TBC1D24: variants seen among roughly 807,000 people sequenced by gnomAD.
The protein encoded by TBC1D24 is Infantile myoclonic epilepsy.
A neutral mutation model predicts 50.7 loss-of-function variants in TBC1D24; 47 were observed. The observed-to-expected ratio is 0.93, with a 90% CI of 0.73 to 1.18. The LOEUF is 1.18. Among genes scored for constraint, TBC1D24 ranks in the 50% most tolerant of loss-of-function variants. The pLI, the probability that TBC1D24 is intolerant of heterozygous loss-of-function variation, is 0.00. For synonymous variants in TBC1D24, 324 were observed against 335.2 expected, an observed-to-expected ratio of 0.97 and a Z score of 0.36; for missense variants, 688 against 766.5, an observed-to-expected ratio of 0.90 and a Z score of 1.21.
Position 2,498,404 on chromosome 16 carries a change from C to T in TBC1D24, c.1142+8C>T. 6.2e-7 allele frequency: 1 copy of T among 1,600,158 alleles called. No individual in the cohort carries two copies. Among genetic ancestry groups the T allele is most frequent in the Non-Finnish European group, 8.5e-7 (1 of 1,173,770 alleles). ...CGGGTACAGCCTGGCCAGGTAACAC[C>T]CCAAGGGGCCAGAGCGGGCGGCAGA... is the stretch of plus-strand genomic sequence containing the variant. On this transcript the variant is annotated splice_region_variant and intron_variant, in intron 4 of 7. Coordinates refer to ENST00000646147, the MANE Select transcript of TBC1D24 (RefSeq NM_001199107.2).
At position 2,496,714 on chromosome 16, in the gene TBC1D24, A is replaced by G. The variant is rs2065744631; in HGVS notation, c.566A>G (p.Lys189Arg). 1 of 1,613,712 alleles carries G rather than the reference A, an allele frequency of 6.2e-7. No homozygotes were observed. Among genetic ancestry groups the G allele is most frequent in the Non-Finnish European group, 8.5e-7 (1 of 1,180,038 alleles). Residue 189 changes from lysine to arginine, a missense_variant, in exon 2 of 8, where the codon AAG (lysine) becomes AGG (arginine). By Grantham distance (26) the Lys-to-Arg change is conservative. Coordinates refer to ENST00000646147, the MANE Select transcript of TBC1D24 (RefSeq NM_001199107.2). ...SCMTFGDLVN[K>R]YCQAAHKLMV... ...ATGACGTTTGGGGACCTGGTGAACAAGTACTGCCAGGCGGCCCACAAGCTG... is the reference window on the plus strand; with the variant it reads ...ATGACGTTTGGGGACCTGGTGAACAGGTACTGCCAGGCGGCCCACAAGCTG...
Position 2,475,575 on chromosome 16 carries a change from C to A in TBC1D24, c.-116+405C>A, listed in dbSNP as rs1331769493. Among the ~76,000 whole-genome samples, 1 of 152,138 alleles carries A rather than the reference C, an allele frequency of 6.6e-6. No individual in the cohort carries two copies. Among genetic ancestry groups the A allele is most frequent in the African/African-American group, 2.4e-5 (1 of 41,436 alleles). Reference sequence around the variant, plus strand: ...TGAGATTGCAACAGATTCTGATACGCCCTGCCCTGTGGACCTGCAGCGGCC... The same window carrying A: ...TGAGATTGCAACAGATTCTGATACGACCTGCCCTGTGGACCTGCAGCGGCC... On this transcript the variant is annotated intron_variant, in intron 1 of 7. Coordinates refer to ENST00000646147, the MANE Select transcript of TBC1D24 (RefSeq NM_001199107.2). This position sits in a 1 kb window ranked among gnomAD's most constrained non-coding sequence, Gnocchi z 4.2.
In TBC1D24 at chr16:2,496,544, C is replaced by A. The variant is rs371937830; in HGVS notation, c.396C>A (p.Pro132=). Residue 132 remains proline (P), a synonymous_variant, in exon 2 of 8, where the codon CCC becomes CCA. Transcript: ENST00000646147. ...AGTTCCCCGACATCTCCTTCTGCCC[C>A]GCCCTGCCGGCCGTGGTGGCCCTGC... ...ANQFPDISFC[P]ALPAVVALLL... 3 of 1,608,400 alleles carry A rather than the reference C, an allele frequency of 1.9e-6. No homozygotes were observed. Among genetic ancestry groups the A allele is most frequent in the African/African-American group, 1.3e-5 (1 of 74,952 alleles).
In TBC1D24 at chr16:2,499,353, C is replaced by A. The variant is rs1203497946; in HGVS notation, c.1143-4C>A. 3.1e-6 allele frequency: 5 copies of A among 1,612,690 alleles called. No homozygotes were observed. The East Asian group carries it at 6.7e-5, about 22-fold the overall frequency. ...GACAGCTGGCATGCGTGTCTCTACGCCAGGTTCTACTTCCAGTGTGAAGGA... is the reference window on the plus strand; with the variant it reads ...GACAGCTGGCATGCGTGTCTCTACGACAGGTTCTACTTCCAGTGTGAAGGA... On this transcript the variant is annotated splice_polypyrimidine_tract_variant and splice_region_variant and intron_variant, in intron 4 of 7. Coordinates refer to ENST00000646147, the MANE Select transcript of TBC1D24 (RefSeq NM_001199107.2). This position sits in a 1 kb window ranked among gnomAD's most constrained non-coding sequence, Gnocchi z 4.0.
At chr16:2,488,719 A>G (rs2065670831) in intron 1 of TBC1D24, among the ~76,000 whole-genome samples, 1 of 148,154 alleles carries the variant, frequency 6.7e-6, no homozygotes, top group Non-Finnish European at 1.5e-5. Flanking sequence ...CATGTTAGCC[A>G]GGATTACAGG....
chr16:2,494,657 G>A (rs894565312), intron 1 of TBC1D24, among the ~76,000 whole-genome samples: 4 of 151,980 alleles, frequency 2.6e-5, no homozygotes, highest in African/African-American at 9.7e-5. Context: ...TCCCACCTTG[G>A]CCTCCTGAGT....
chr16:2,489,954 G>A (rs2065682614), intron 1 of TBC1D24, among the ~76,000 whole-genome samples: 1 of 152,318 alleles, frequency 6.6e-6, no homozygotes, highest in South Asian at 2.1e-4. Flanking sequence ...GGGTGTGTCC[G>A]TGCTGCCCTC....
In TBC1D24 at chr16:2,486,003, C is replaced by T. The variant is rs766947366; in HGVS notation, c.-115-10031C>T. Among the ~76,000 whole-genome samples, 21 of 152,192 alleles carry T rather than the reference C, an allele frequency of 1.4e-4. No individual in the cohort carries two copies. The highest frequency in any genetic ancestry group is 4.1e-4 in the South Asian group (2 of 4,834). ...GCTCTCATCCCTGGATCTTGCGGATCTCGCGCCCGGGCTGGAATGCCTGTG... is the reference window on the plus strand; with the variant it reads ...GCTCTCATCCCTGGATCTTGCGGATTTCGCGCCCGGGCTGGAATGCCTGTG... On this transcript the variant is annotated intron_variant, in intron 1 of 7. Coordinates refer to ENST00000646147, the MANE Select transcript of TBC1D24 (RefSeq NM_001199107.2). The surrounding 1 kb of genome is among the most constrained non-coding windows in gnomAD (Gnocchi z 5.8).
Position 2,485,893 on chromosome 16 carries a change from A to T in TBC1D24, c.-115-10141A>T, listed in dbSNP as rs974523378. Reference sequence around the variant, plus strand: ...TCCAGGCCCTCTCAGCCACCCCCACACCGTCCCTACCATTCCCACCTGGCC... The same window carrying T: ...TCCAGGCCCTCTCAGCCACCCCCACTCCGTCCCTACCATTCCCACCTGGCC... On this transcript the variant is annotated intron_variant, in intron 1 of 7. Coordinates refer to ENST00000646147, the MANE Select transcript of TBC1D24 (RefSeq NM_001199107.2). This position sits in a 1 kb window ranked among gnomAD's most constrained non-coding sequence, Gnocchi z 4.6. Among the ~76,000 whole-genome samples the T allele has an allele frequency of 6.6e-6, 1 of 152,076 alleles. No individual in the cohort carries two copies. Among genetic ancestry groups the T allele is most frequent in the Non-Finnish European group, 1.5e-5 (1 of 68,002 alleles).
Position 2,499,648 on chromosome 16 carries a change from AGCCAGGGGCAG to A in TBC1D24, c.1207-185_1207-175del, listed in dbSNP as rs1167370853. ...CCGCCCACCCTCATTGCCAGCCCCA[AGCCAGGGGCAG>A]GGTGCACACACCTGCAACACTGCCT... On this transcript the variant is annotated intron_variant, in intron 5 of 7. Transcript: ENST00000646147. The surrounding 1 kb of genome is among the most constrained non-coding windows in gnomAD (Gnocchi z 4.0). Among the ~76,000 whole-genome samples, 3 of 152,274 alleles carry A rather than the reference AGCCAGGGGCAG, an allele frequency of 2.0e-5. No homozygotes were observed. The East Asian group carries it at 5.8e-4, about 29-fold the overall frequency.
chr16:2,481,322 T>C (rs760223172), intron 1 of TBC1D24: 1 of 152,262 alleles, frequency 6.6e-6, no homozygotes, highest in Non-Finnish European at 1.5e-5. Flanking sequence ...GGTGGGAAGA[T>C]TGCTTGAGGC....
chr16:2,500,330 C>T lies in TBC1D24; in HGVS notation c.1365C>T (p.Pro455=). ...VVIKHPELTK[P]PPLMAAEPTA... ...TCAAGCACCCCGAGCTGACCAAGCC[C>T]CCACCCTTGATGGCTGCCGAGCCCA... Residue 455 remains proline (P), a synonymous_variant, in exon 7 of 8, where the codon CCC becomes CCT. Coordinates refer to ENST00000646147, the MANE Select transcript of TBC1D24 (RefSeq NM_001199107.2). The surrounding 1 kb of genome is among the most constrained non-coding windows in gnomAD (Gnocchi z 8.0). The T allele has an allele frequency of 6.2e-7, 1 of 1,611,476 alleles. No individual in the cohort carries two copies. The highest frequency in any genetic ancestry group is 8.5e-7 in the Non-Finnish European group (1 of 1,179,350).
Position 2,501,343 on chromosome 16 carries a change from C to T in TBC1D24, c.*385C>T, listed in dbSNP as rs185077219. 391 of 281,664 alleles carry T rather than the reference C, an allele frequency of 1.4e-3. 5 individuals are homozygous for T. The East Asian group carries it at 0.025, about 18-fold the overall frequency. The allele number at this position is 281,664 out of a possible 1,614,324, so 17.4% of individuals were successfully genotyped here. ...GGTGGGAGTACAACGGCAGTGGGAA[C>T]GTGCAGCTAAGGGTGGGCCTGTGGT... On this transcript the variant is annotated 3_prime_UTR_variant, in exon 8 of 8. Transcript: ENST00000646147.
intron 4 of TBC1D24, among the ~76,000 whole-genome samples, chr16:2,498,967 C>G (rs994251726): frequency 6.6e-6 from 1 of 152,250 alleles, no homozygotes; most frequent in Admixed American, 6.5e-5. Context: ...CTGGCCCTGC[C>G]AAGGACACCA....
chr16:2,498,108 C>T (rs1045511655), intron 3 of TBC1D24, 130 bp from the exon 4 acceptor site: 40 of 1,254,040 alleles, frequency 3.2e-5, no homozygotes, highest in Admixed American at 8.4e-5. Flanking sequence ...GGCCCTAAAC[C>T]GGGGCCGGGG....
Position 2,496,573 on chromosome 16 carries a change from T to G in TBC1D24, c.425T>G (p.Leu142Arg). The G allele has an allele frequency of 1.2e-6, 2 of 1,609,256 alleles. No individual in the cohort carries two copies. The highest frequency in any genetic ancestry group is 1.7e-6 in the Non-Finnish European group (2 of 1,180,002). Residue 142 changes from leucine (L) to arginine (R), a missense_variant, in exon 2 of 8, where the codon CTG becomes CGG. Physicochemically the swap from Leu to Arg is moderately radical, Grantham distance 102. Transcript: ENST00000646147. Reference sequence around the variant, plus strand: ...CTGCCGGCCGTGGTGGCCCTGCTGCTGCACTACAGCATCGACGAGGCCGAG... The same window carrying G: ...CTGCCGGCCGTGGTGGCCCTGCTGCGGCACTACAGCATCGACGAGGCCGAG... ...PALPAVVALL[L>R]HYSIDEAECF...
intron 1 of TBC1D24, chr16:2,480,969 C>CGTGTCCTT (rs775869779): frequency 6.6e-6 from 1 of 152,296 alleles, no homozygotes; most frequent in Non-Finnish European, 1.5e-5. Flanking sequence ...CACCGGCCCA[C>CGTGTCCTT]GTTCTCATGG....
chr16:2,496,491 C>T lies in TBC1D24; in HGVS notation c.343C>T (p.Arg115Cys), dbSNP rs372531999. ...CLNARGEGAV[R>C]KILLCLANQF... ...GAATGCACGCGGCGAGGGGGCCGTG[C>T]GCAAGATCCTCCTGTGCCTGGCCAA... The change falls in exon 2 of 8, where the codon CGC becomes TGC. Residue 115 changes from arginine to cysteine, a missense_variant. Transcript: ENST00000646147. The T allele has an allele frequency of 3.5e-5, 57 of 1,609,854 alleles. No homozygotes were observed. The highest frequency in any genetic ancestry group is 3.2e-4 in the African/African-American group (24 of 74,946).
rs1275311634 is a variant in TBC1D24 at position 2,504,983 on chromosome 16, C to T, written c.*4025C>T. On this transcript the variant is annotated 3_prime_UTR_variant, in exon 8 of 8. Transcript: ENST00000646147. ...AACTCCTGGACTCAAGCAATCCTCC[C>T]GCCTCTGCCTCCCTAAATTCTGGGA... The T allele has an allele frequency of 2.0e-5, 3 of 152,142 alleles. No individual in the cohort carries two copies. Among genetic ancestry groups the T allele is most frequent in the Non-Finnish European group, 4.4e-5 (3 of 68,038 alleles). 9.4% of individuals were successfully genotyped at this position (152,142 alleles called of 1,614,324 possible). A position where few individuals can be genotyped will look rare whatever the true frequency, so the allele number is the denominator to read the frequency against.
Sources: allele counts gnomAD v4.1 joint callset (sites outside exome capture counted in the v4.1 genomes callset), GRCh38; gene constraint gnomAD v4.1.1; non-coding constraint Gnocchi (gnomAD v3.1); transcripts MANE v1.5; gene names NCBI Gene and HGNC (gene_info 2026-07-23, HGNC 2026-07-21).